The following ABAT variants were observed in gnomAD, a reference collection of about 807,000 sequenced individuals.
ABAT encodes the protein 4-aminobutyrate aminotransferase, also known as 4-aminobutyrate aminotransferase, mitochondrial.
Under a neutral mutation model 64.6 loss-of-function variants are expected in ABAT, and 45 were observed. That is an observed-to-expected ratio of 0.70 (90% CI 0.55 to 0.89). The LOEUF (loss-of-function observed/expected upper bound fraction) is 0.89, where lower values mean the gene tolerates loss of function less well. Among genes scored for constraint, ABAT ranks in the 40% least tolerant of loss-of-function variants. ABAT has a pLI of 0.00. For synonymous variants in ABAT, 297 were observed against 250.5 expected, an observed-to-expected ratio of 1.19 and a Z score of -1.75; for missense variants, 633 against 658.4, an observed-to-expected ratio of 0.96 and a Z score of 0.42.
rs144933708 is a variant in ABAT at position 8,781,388 on chromosome 16, G to C, written c.1461G>C (p.Leu487=). ...TCTTCAGGGATCACCACGCTCACCT[G>C]TTCCTCAATATTTTCAGTGACATCT... The part of the protein sequence containing the change: ...TLVFRDHHAH[L]FLNIFSDILA... The change falls in exon 16 of 16, where the codon CTG becomes CTC. Residue 487 remains leucine (L), a synonymous_variant. Coordinates refer to ENST00000268251, the MANE Select transcript of ABAT (RefSeq NM_020686.6). The surrounding 1 kb of genome is among the most constrained non-coding windows in gnomAD (Gnocchi z 4.5). 7.4e-6 allele frequency: 12 copies of C among 1,614,052 alleles called. No homozygotes were observed. The African/African-American group carries it at 1.5e-4, about 20-fold the overall frequency.
chr16:8,711,726 A>ATTG (rs1489993719), intron 1 of ABAT, among the ~76,000 whole-genome samples: 1 of 94,736 alleles, frequency 1.1e-5, no homozygotes, highest in Non-Finnish European at 2.2e-5. Context: ...ATGGATGGGA[A>ATTG]GATGGATGGG....
At position 8,764,800 on chromosome 16, in the gene ABAT, C is replaced by T. The variant is rs141981377; in HGVS notation, c.510C>T (p.Asn170=). 91 of 1,614,064 alleles carry T rather than the reference C, an allele frequency of 5.6e-5. No homozygotes were observed. The highest frequency in any genetic ancestry group is 3.3e-4 in the South Asian group (30 of 91,080). Residue 170 remains asparagine, a synonymous_variant, in exon 8 of 16, where the codon AAC becomes AAT. Coordinates refer to ENST00000268251, the MANE Select transcript of ABAT (RefSeq NM_020686.6). This position sits in a 1 kb window ranked among gnomAD's most constrained non-coding sequence, Gnocchi z 4.2. ...CCTGCGGCTCCTGCTCCAATGAAAACGCCTTAAAGACCATCTTCATGTGGT... is the reference window on the plus strand; with the variant it reads ...CCTGCGGCTCCTGCTCCAATGAAAATGCCTTAAAGACCATCTTCATGTGGT... ...TMACGSCSNE[N]ALKTIFMWYR...
intron 1 of ABAT, among the ~76,000 whole-genome samples, chr16:8,701,739 G>A (rs1446978224): frequency 6.6e-6 from 1 of 152,250 alleles, no homozygotes; most frequent in Non-Finnish European, 1.5e-5. Flanking sequence ...GGTGAGGGAA[G>A]GGGAGAGGGA....
At chr16:8,699,130 G>A (rs1567274639) in intron 1 of ABAT, among the ~76,000 whole-genome samples, 1 of 152,146 alleles carries the variant, frequency 6.6e-6, no homozygotes, top group African/African-American at 2.4e-5. Flanking sequence ...GTGCCACATA[G>A]TTTTGGTTGA....
chr16:8,698,410 C>G (rs2057749977), intron 1 of ABAT, among the ~76,000 whole-genome samples: 1 of 151,944 alleles, frequency 6.6e-6, no homozygotes, highest in African/African-American at 2.4e-5. Context: ...CTCAGCTCAC[C>G]ACAACCTCCG....
At position 8,746,243 on chromosome 16, in the gene ABAT, G is replaced by C. The variant is rs550948671; in HGVS notation, c.168+145G>C. The C allele has an allele frequency of 4.9e-4, 357 of 729,406 alleles. No homozygotes were observed. The African/African-American group carries it at 5.4e-3, about 11-fold the overall frequency. The allele number at this position is 729,406 out of a possible 1,614,324, so 45.2% of individuals were successfully genotyped here. A position where few individuals can be genotyped will look rare whatever the true frequency, so the allele number is the denominator to read the frequency against. On this transcript the variant is annotated intron_variant, in intron 3 of 15. Coordinates refer to ENST00000268251, the MANE Select transcript of ABAT (RefSeq NM_020686.6). ...ACCAGAGATCTGAGATACTCAATGA[G>C]GCCATTTTGCCATACAAAGCCAAAG...
In ABAT at chr16:8,736,057, C is replaced by T. The variant is rs549950089; in HGVS notation, c.70+248C>T. ...GGCTGGGGAGGCCTCACAATCATGG[C>T]GGAAGGTGAAGGAGGAACAAAGGCA... On this transcript the variant is annotated intron_variant, in intron 2 of 15. Transcript: ENST00000268251. 2.8e-4 allele frequency: 138 copies of T among 497,016 alleles called. 3 individuals carry two copies. The highest frequency in any genetic ancestry group is 1.8e-3 in the South Asian group (86 of 47,130). The allele number at this position is 497,016 out of a possible 1,614,324, so 30.8% of individuals were successfully genotyped here.
chr16:8,698,265 G>A (rs1320846837), intron 1 of ABAT, among the ~76,000 whole-genome samples: 2 of 152,068 alleles, frequency 1.3e-5, no homozygotes, highest in Non-Finnish European at 2.9e-5. Flanking sequence ...TCTGTTGTGT[G>A]GAGAGATCAC....
chr16:8,690,872 G>A (rs2141972605), intron 1 of ABAT, among the ~76,000 whole-genome samples: 1 of 152,268 alleles, frequency 6.6e-6, no homozygotes, highest in Non-Finnish European at 1.5e-5. Flanking sequence ...GATTGATGTT[G>A]TTTTCATGAA....
At chr16:8,712,923 T>C (rs1315203240) in intron 1 of ABAT, 1 of 152,390 alleles carries the variant, frequency 6.6e-6, no homozygotes, top group Non-Finnish European at 1.5e-5. Context: ...ATGAGCAGCA[T>C]GTGACCGAAA....
chr16:8,735,973 C>A, intron 2 of ABAT, 164 bp downstream of exon 2: 1 of 648,556 alleles, frequency 1.5e-6, no homozygotes, highest in Non-Finnish European at 2.7e-6. Context: ...AATAAAGGTA[C>A]ACCTGAGACT....
intron 15 of ABAT, among the ~76,000 whole-genome samples, chr16:8,780,961 T>C (rs1414535314): frequency 6.6e-6 from 1 of 152,066 alleles, no homozygotes; most frequent in Non-Finnish European, 1.5e-5. Context: ...TCCATGACTT[T>C]GTGGAAGGCA....
intron 2 of ABAT, among the ~76,000 whole-genome samples, chr16:8,739,127 G>T (rs1440110523): frequency 2.0e-5 from 3 of 152,218 alleles, no homozygotes; most frequent in African/African-American, 7.2e-5. Context: ...CAAGTGCTGT[G>T]CTGGGTATTA....
At chr16:8,767,151 A>G (rs1164341073) in intron 9 of ABAT, among the ~76,000 whole-genome samples, 1 of 152,192 alleles carries the variant, frequency 6.6e-6, no homozygotes, top group African/African-American at 2.4e-5. Context: ...TTCTGCCTGA[A>G]TCAGCTGGAA....
intron 1 of ABAT, among the ~76,000 whole-genome samples, chr16:8,722,494 A>G (rs2058401315): frequency 6.6e-6 from 1 of 152,174 alleles, no homozygotes; most frequent in Non-Finnish European, 1.5e-5. Context: ...TTTTAAATTG[A>G]AAAAGCAAGT....
At chr16:8,761,135 A>T (rs1213618056) in intron 6 of ABAT, among the ~76,000 whole-genome samples, 2 of 152,128 alleles carry the variant, frequency 1.3e-5, no homozygotes, top group East Asian at 3.9e-4. Context: ...AGGGATTCTG[A>T]TTTCAGGGAC....
chr16:8,692,273 C>T (rs1273364), intron 1 of ABAT, among the ~76,000 whole-genome samples: 60,337 of 151,856 alleles, frequency 0.4, 12,299 homozygotes, highest in East Asian at 0.65. Context: ...CCCAGCTACC[C>T]GGGAGGCTGA....
chr16:8,772,550 T>G (rs955552526), intron 11 of ABAT, among the ~76,000 whole-genome samples: 7 of 152,236 alleles, frequency 4.6e-5, no homozygotes, highest in African/African-American at 1.7e-4. Flanking sequence ...GCTAAATTAC[T>G]TGCCCCAATT....
intron 1 of ABAT, chr16:8,713,772 G>A (rs74898562): frequency 8.7e-5 from 38 of 435,816 alleles, no homozygotes; most frequent in Non-Finnish European, 1.6e-4. Context: ...GATGAACCCA[G>A]CCAGCTGCGT....
Sources: gnomAD v4.1 joint callset for allele counts (sites outside exome capture counted in the v4.1 genomes callset) on GRCh38, gnomAD v4.1.1 for gene constraint, Gnocchi (gnomAD v3.1) non-coding constraint, MANE v1.5 for transcripts, NCBI Gene and HGNC (gene_info 2026-07-23, HGNC 2026-07-21) for gene names.